The following TAF5L variants were observed in gnomAD, a reference collection of about 807,000 sequenced individuals.
TAF5L encodes TATA-box binding protein associated factor 5 like, also known as TAF5-like RNA polymerase II p300/CBP-associated factor-associated factor 65 kDa subunit 5L.
A neutral mutation model predicts 51.3 loss-of-function variants in TAF5L; 7 were observed. The ratio of observed to expected loss-of-function variants is 0.14; its 90% CI spans 0.08 to 0.26. The LOEUF (loss-of-function observed/expected upper bound fraction) is 0.26. Among genes scored for constraint, TAF5L ranks in the 10% least tolerant of loss-of-function variants. The pLI is 1.00. For missense variants in TAF5L, 575 were observed against 758.9 expected, an observed-to-expected ratio of 0.76 and a Z score of 2.85; for synonymous variants, 291 against 308.1, an observed-to-expected ratio of 0.94 and a Z score of 0.58.
exon 5 of TAF5L, chr1:229,593,726 G>A (rs1198327726): frequency 6.6e-6 from 1 of 151,680 alleles, no homozygotes; most frequent in Non-Finnish European, 1.5e-5. Context: ...GCCAGTGCTA[G>A]GTTTCCTCAT....
rs2102745100 is a variant in TAF5L, at chr1:229,602,514, C to G, written c.653G>C (p.Ser218Thr). 3.1e-6 allele frequency: 5 copies of G among 1,614,154 alleles called. No individual in the cohort carries two copies. Among genetic ancestry groups the G allele is most frequent in the Non-Finnish European group, 4.2e-6 (5 of 1,180,016 alleles). Residue 218 changes from serine to threonine, a missense_variant, in exon 4 of 5, where the codon AGT becomes ACT. Ser to Thr is a moderately conservative substitution (Grantham distance 58). Transcript: ENST00000258281. The surrounding 1 kb of genome is among the most constrained non-coding windows in gnomAD (Gnocchi z 4.6). Reference sequence around the variant, plus strand: ...GGGGGGCTCCAAACCGTTGTTCTCACTGCGGGAGGAGCTGCCACTGGCATA... The same window carrying G: ...GGGGGGCTCCAAACCGTTGTTCTCAGTGCGGGAGGAGCTGCCACTGGCATA...
intron 1 of TAF5L, among the ~76,000 whole-genome samples, chr1:229,623,722 T>C (rs1484042867): frequency 7.9e-5 from 12 of 152,236 alleles, no homozygotes; most frequent in Admixed American, 5.2e-4. Flanking sequence ...GTGCTTTACA[T>C]AGACTGCCTT....
intron 1 of TAF5L, among the ~76,000 whole-genome samples, chr1:229,618,683 G>A (rs1314216472): frequency 6.6e-6 from 1 of 152,190 alleles, no homozygotes; most frequent in African/African-American, 2.4e-5. Context: ...ATCCTCTTAA[G>A]ATGCTGTCAG....
chr1:229,598,416 TTGAG>T (rs1353466689), intron 4 of TAF5L, among the ~76,000 whole-genome samples: 25 of 152,194 alleles, frequency 1.6e-4, no homozygotes, highest in African/African-American at 5.5e-4. Flanking sequence ...GATTATAGAA[TTGAG>T]TATTGCTGCT....
chr1:229,595,809 G>A (rs1330260561), intron 4 of TAF5L, among the ~76,000 whole-genome samples: 1 of 152,194 alleles, frequency 6.6e-6, no homozygotes, highest in Non-Finnish European at 1.5e-5. Context: ...GGGATTACAG[G>A]CATGTGCCAC....
At chr1:229,616,163 G>A (rs1335594749) in intron 1 of TAF5L, among the ~76,000 whole-genome samples, 5 of 151,958 alleles carry the variant, frequency 3.3e-5, no homozygotes, top group African/African-American at 4.8e-5. Context: ...ACAGGCCCAC[G>A]CTACCACACT....
chr1:229,623,061 G>C (rs1005211404), intron 1 of TAF5L, among the ~76,000 whole-genome samples: 5 of 152,188 alleles, frequency 3.3e-5, no homozygotes, highest in African/African-American at 9.6e-5. Context: ...TGGATCACCC[G>C]AGGTCAGGAG....
In TAF5L at chr1:229,606,953, T is replaced by A. The variant is rs1253830348; in HGVS notation, c.247+3153A>T. On this transcript the variant is annotated intron_variant, in intron 3 of 4. Coordinates refer to ENST00000258281, the Ensembl canonical transcript of TAF5L. ...CTTTCCCTAGTATCTTCCTTTGAGATTTTATCACTTCTTAAGACTTTAATT... is the reference window on the plus strand; with the variant it reads ...CTTTCCCTAGTATCTTCCTTTGAGAATTTATCACTTCTTAAGACTTTAATT... 5.1e-6 allele frequency: 5 copies of A among 985,424 alleles called. No individual in the cohort carries two copies. In the African/African-American group the frequency reaches 8.7e-5, roughly 17 times the overall value. The allele number at this position is 985,424 out of a possible 1,614,324, so 61.0% of individuals were successfully genotyped here.
chr1:229,595,077 A>G (rs1467729368), exon 5 of TAF5L: 1 of 1,600,032 alleles, frequency 6.2e-7, no homozygotes, highest in South Asian at 1.1e-5. Context: ...CCGTGCCTGC[A>G]TTATCATCCT....
intron 1 of TAF5L, among the ~76,000 whole-genome samples, chr1:229,620,834 C>T (rs187552647): frequency 6.6e-6 from 1 of 152,312 alleles, no homozygotes; most frequent in African/African-American, 2.4e-5. Context: ...CCACTGCAGA[C>T]AGAAATAGGA....
intron 4 of TAF5L, chr1:229,599,170 G>GAGACAA (rs909985175): frequency 1.4e-6 from 1 of 733,386 alleles, no homozygotes; most frequent in African/African-American, 1.9e-5. Flanking sequence ...CTTTAAGTGG[G>GAGACAA]AGACAACAGA....
At chr1:229,624,926 C>T (rs773268024) in intron 1 of TAF5L, among the ~76,000 whole-genome samples, 10 of 152,170 alleles carry the variant, frequency 6.6e-5, no homozygotes, top group Non-Finnish European at 1.3e-4. Context: ...AGACACGCTC[C>T]GCACTTAATG....
At chr1:229,598,610 G>C (rs998934392) in intron 4 of TAF5L, among the ~76,000 whole-genome samples, 1 of 151,930 alleles carries the variant, frequency 6.6e-6, no homozygotes, top group Middle Eastern at 3.2e-3. Flanking sequence ...CCTTGGTTTG[G>C]TATCTCTGTG....
In TAF5L at chr1:229,625,265, C is replaced by T. The variant is rs992002193; in HGVS notation, c.-4+620G>A. On this transcript the variant is annotated intron_variant, in intron 1 of 4. Transcript: ENST00000258281. This position sits in a 1 kb window ranked among gnomAD's most constrained non-coding sequence, Gnocchi z 4.0. ...AGCTTCGCGAGCTGGAGGTGGTGAA[C>T]CCGTCCCACACCATGGGCGCACCAA... Among the ~76,000 whole-genome samples, 1 of 152,152 alleles carries T rather than the reference C, an allele frequency of 6.6e-6. No homozygotes were observed. Among genetic ancestry groups the T allele is most frequent in the Admixed American group, 6.5e-5 (1 of 15,284 alleles).
chr1:229,604,810 G>A (rs1431153068), intron 3 of TAF5L, among the ~76,000 whole-genome samples: 1 of 152,094 alleles, frequency 6.6e-6, no homozygotes, highest in Non-Finnish European at 1.5e-5. Context: ...ACAGAAACGA[G>A]GACTGTAATT....
In TAF5L at chr1:229,602,781, T is replaced by C. The variant is rs1439407463; in HGVS notation, c.386A>G (p.Gln129Arg). The change falls in exon 4 of 5, where the codon CAG (glutamine) becomes CGG (arginine). Residue 129 changes from glutamine (Q) to arginine (R), a missense_variant. Gln to Arg is a conservative substitution (Grantham distance 43, BLOSUM62 1). Transcript: ENST00000258281. This position sits in a 1 kb window ranked among gnomAD's most constrained non-coding sequence, Gnocchi z 4.6. Reference sequence around the variant, plus strand: ...AATGACATCCTTCTGGCTAGCATTCTGCAGAAACATTCCATGGAAGCGGCT... The same window carrying C: ...AATGACATCCTTCTGGCTAGCATTCCGCAGAAACATTCCATGGAAGCGGCT... 3.1e-6 allele frequency: 5 copies of C among 1,614,062 alleles called. No homozygotes were observed. In the Admixed American group the frequency reaches 8.3e-5, roughly 27 times the overall value.
chr1:229,626,005 C>G (rs1234280398), exon 1 of TAF5L: 1 of 148,780 alleles, frequency 6.7e-6, no homozygotes, highest in African/African-American at 2.5e-5. Flanking sequence ...TGGGCCCCCG[C>G]GCCCCGCGCC....
At chr1:229,605,128 A>ATATATATATATATATTT (rs1340196774) in intron 3 of TAF5L, among the ~76,000 whole-genome samples, 3 of 145,098 alleles carry the variant, frequency 2.1e-5, no homozygotes, top group African/African-American at 7.8e-5. Flanking sequence ...ATATATATGT[A>ATATATATATATATATTT]TTTTTTTTTT....
chr1:229,609,991 T>G (rs112247500), intron 3 of TAF5L, 115 bp downstream of exon 3: 20 of 793,554 alleles, frequency 2.5e-5, no homozygotes, highest in Middle Eastern at 7.5e-4. Context: ...TATTTTTTAA[T>G]TTTTCTTTTT....
Sources: gnomAD v4.1 joint callset for allele counts (sites outside exome capture counted in the v4.1 genomes callset) on GRCh38, gnomAD v4.1.1 for gene constraint, Gnocchi (gnomAD v3.1) non-coding constraint, MANE v1.5 for transcripts, NCBI Gene and HGNC (gene_info 2026-07-23, HGNC 2026-07-21) for gene names.